ITGA11: variants seen among roughly 807,000 people sequenced by gnomAD.
The protein encoded by ITGA11 is integrin subunit alpha 11, also known as integrin alpha-11.
Under a neutral mutation model 141.9 loss-of-function variants are expected in ITGA11, and 97 were observed. That is an observed-to-expected ratio of 0.68 (90% CI 0.58 to 0.81). ITGA11 has a LOEUF of 0.81. ITGA11 is among the 30% of genes least tolerant of loss of function. The pLI, the probability that ITGA11 is intolerant of heterozygous loss-of-function variation, is 0.00. For missense variants in ITGA11, 1,387 were observed against 1,559.2 expected (o/e 0.89, Z 1.86); for synonymous variants, 658 against 624.6 (o/e 1.05, Z -0.80).
At chr15:68,312,899 G>T in intron 23 of ITGA11, 36 bp from the exon 24 acceptor site, 1 of 1,467,798 alleles carries the variant, frequency 6.8e-7, no homozygotes. Context: ...CGTGAGCTCA[G>T]TCAGGGCTGG....
intron 9 of ITGA11, 50 bp from the exon 10 acceptor site, chr15:68,348,950 G>T: frequency 3.3e-6 from 5 of 1,495,714 alleles, no homozygotes; most frequent in South Asian, 2.4e-5. Flanking sequence ...ATCCCTTAGC[G>T]CCAGACAGAT....
intron 1 of ITGA11, among the ~76,000 whole-genome samples, chr15:68,412,637 AAT>A (rs1263230181): frequency 6.6e-6 from 1 of 150,764 alleles, no homozygotes. Flanking sequence ...GTGTGTAGCA[AAT>A]ATGTTATTAG....
intron 1 of ITGA11, among the ~76,000 whole-genome samples, chr15:68,404,874 G>A (rs1421585919): frequency 6.6e-6 from 1 of 152,130 alleles, no homozygotes; most frequent in Non-Finnish European, 1.5e-5. Context: ...TTCACATGTG[G>A]GATACTTATT....
intron 2 of ITGA11, among the ~76,000 whole-genome samples, chr15:68,399,716 G>A (rs1468487566): frequency 6.6e-6 from 1 of 152,086 alleles, no homozygotes; most frequent in Non-Finnish European, 1.5e-5. Context: ...CTAATATGGT[G>A]TGTTCTCACT....
intron 28 of ITGA11, among the ~76,000 whole-genome samples, chr15:68,306,167 G>A (rs1893186713): frequency 1.3e-5 from 2 of 149,874 alleles, no homozygotes; most frequent in South Asian, 4.2e-4. Context: ...TCTAGCCTGG[G>A]TGACAGAGCA....
chr15:68,362,769 T>A (rs1382929448), intron 4 of ITGA11, among the ~76,000 whole-genome samples: 1 of 151,730 alleles, frequency 6.6e-6, no homozygotes, highest in Non-Finnish European at 1.5e-5. Flanking sequence ...AGATGATGGA[T>A]GAATGGATGA....
At chr15:68,427,188 G>C (rs776244994) in intron 1 of ITGA11, among the ~76,000 whole-genome samples, 11 of 152,286 alleles carry the variant, frequency 7.2e-5, no homozygotes, top group Middle Eastern at 3.4e-3. Context: ...AGGCCTTATT[G>C]AGATGTGAGA....
In ITGA11 at chr15:68,328,393, G is replaced by C. The variant is rs1894051321; in HGVS notation, c.1902-131C>G. ...ACTGGAGGGGGTGAGGTGGAGGATGGAGGGGGCGAGGTGGAGGATGGAGGG... is the reference window on the plus strand; with the variant it reads ...ACTGGAGGGGGTGAGGTGGAGGATGCAGGGGGCGAGGTGGAGGATGGAGGG... On this transcript the variant is annotated intron_variant, in intron 15 of 29. Transcript: ENST00000315757. This position sits in a 1 kb window ranked among gnomAD's most constrained non-coding sequence, Gnocchi z 4.8. 1 of 546,338 alleles carries C rather than the reference G, an allele frequency of 1.8e-6. No individual in the cohort carries two copies. Among genetic ancestry groups the C allele is most frequent in the African/African-American group, 1.9e-5 (1 of 51,338 alleles). 33.8% of individuals were successfully genotyped at this position (546,338 alleles called of 1,614,324 possible). A position where few individuals can be genotyped will look rare whatever the true frequency, so the allele number is the denominator to read the frequency against.
chr15:68,403,027 AC>A lies in ITGA11; in HGVS notation c.54del (p.Phe19SerfsTer60). 1 of 1,608,206 alleles carries A rather than the reference AC, an allele frequency of 6.2e-7. No individual in the cohort carries two copies. The highest frequency in any genetic ancestry group is 8.5e-7 in the Non-Finnish European group (1 of 1,175,536). On this transcript the variant is annotated frameshift_variant and splice_region_variant, in exon 2 of 30. Transcript: ENST00000315757. LOFTEE classifies it high-confidence loss of function. ...GTGTCCATGTTGAAGGTGTCCGTGA[AC>A]CCTGAGGCAGGGGGAGAGGAGAGGA... ...VVAWALSLWP[G>X]FTDTFNMDTR...
intron 8 of ITGA11, 138 bp downstream of exon 8, chr15:68,351,120 A>G: frequency 1.1e-6 from 1 of 904,054 alleles, no homozygotes; most frequent in Non-Finnish European, 1.6e-6. Flanking sequence ...CTTGTTGTTC[A>G]GAAGATGAAA....
chr15:68,423,157 A>T (rs953218429), intron 1 of ITGA11, among the ~76,000 whole-genome samples: 5 of 152,052 alleles, frequency 3.3e-5, no homozygotes, highest in Non-Finnish European at 7.4e-5. Flanking sequence ...GCTGTGCAAG[A>T]CCCGGGGATA....
rs898381165 is a variant in ITGA11, at chr15:68,301,991, C to T, written c.*1068G>A. On this transcript the variant is annotated 3_prime_UTR_variant, in exon 30 of 30. Coordinates refer to ENST00000315757, the MANE Select transcript of ITGA11 (RefSeq NM_001004439.2). The surrounding 1 kb of genome is among the most constrained non-coding windows in gnomAD (Gnocchi z 4.4). ...TTATTCAGTGCATTCCAGAGGGGACCCCTCAACAGCGCTGGCCAAGCCCTT... is the reference window on the plus strand; with the variant it reads ...TTATTCAGTGCATTCCAGAGGGGACTCCTCAACAGCGCTGGCCAAGCCCTT... 2 of 152,578 alleles carry T rather than the reference C, an allele frequency of 1.3e-5. No individual in the cohort carries two copies. The highest frequency in any genetic ancestry group is 2.9e-5 in the Non-Finnish European group (2 of 68,368). 9.5% of individuals were successfully genotyped at this position (152,578 alleles called of 1,614,324 possible). A position where few individuals can be genotyped will look rare whatever the true frequency, so the allele number is the denominator to read the frequency against.
At chr15:68,314,205 G>T (rs1374118060) in intron 22 of ITGA11, among the ~76,000 whole-genome samples, 1 of 150,512 alleles carries the variant, frequency 6.6e-6, no homozygotes, top group African/African-American at 2.5e-5. Context: ...CAATCCTGCT[G>T]CCTGCTGGAC....
At chr15:68,380,428 G>A (rs528271012) in intron 2 of ITGA11, among the ~76,000 whole-genome samples, 8 of 152,310 alleles carry the variant, frequency 5.3e-5, no homozygotes, top group Middle Eastern at 6.8e-3. Context: ...CACTTGCTAT[G>A]TGCTGGGCTC....
intron 11 of ITGA11, among the ~76,000 whole-genome samples, chr15:68,338,257 AAGGCAAGGACTCC>A (rs1251660876): frequency 3.3e-5 from 5 of 152,232 alleles, no homozygotes; most frequent in Non-Finnish European, 7.3e-5. Flanking sequence ...AGCATTTGCC[AAGGCAAGGACTCC>A]AATCTTTCTC....
chr15:68,403,563 C>T (rs1896563618), intron 1 of ITGA11, among the ~76,000 whole-genome samples: 1 of 152,182 alleles, frequency 6.6e-6, no homozygotes, highest in African/African-American at 2.4e-5. Context: ...CAGATGCTGG[C>T]ACCATGATTT....
At chr15:68,397,554 ATATTATAAAATATTTAAAATAT>A (rs1896337010) in intron 2 of ITGA11, among the ~76,000 whole-genome samples, 2 of 20,438 alleles carry the variant, frequency 9.8e-5, no homozygotes, top group African/African-American at 4.2e-4. Context: ...TATATTTAAA[ATATTATAAAATATTTAAAATAT>A]TATATTTAAA....
chr15:68,310,044 CAT>C (rs897592684), intron 26 of ITGA11, among the ~76,000 whole-genome samples: 1 of 152,178 alleles, frequency 6.6e-6, no homozygotes, highest in Non-Finnish European at 1.5e-5. Context: ...GAAATCCCCT[CAT>C]GTGTGAAGCC....
chr15:68,341,387 A>G (rs1894564518), intron 10 of ITGA11, among the ~76,000 whole-genome samples: 3 of 152,182 alleles, frequency 2.0e-5, no homozygotes, highest in Admixed American at 1.3e-4. Context: ...CTGGCTGCCC[A>G]TTTGGGCCCA....
Sources: allele counts gnomAD v4.1 joint callset (sites outside exome capture counted in the v4.1 genomes callset), GRCh38; gene constraint gnomAD v4.1.1; non-coding constraint Gnocchi (gnomAD v3.1); transcripts MANE v1.5; gene names NCBI Gene and HGNC (gene_info 2026-07-23, HGNC 2026-07-21).